The following NT5DC1 variants were observed in gnomAD, a reference collection of about 807,000 sequenced individuals.
NT5DC1 encodes 5'-nucleotidase domain-containing protein 1.
In NT5DC1, 42 loss-of-function variants were observed where a neutral mutation model predicts 59.4. The ratio of observed to expected loss-of-function variants is 0.71; its 90% CI spans 0.55 to 0.92. The LOEUF is 0.92. Among genes scored for constraint, NT5DC1 ranks in the 40% least tolerant of loss-of-function variants. NT5DC1 has a pLI of 0.00. For synonymous variants in NT5DC1, 172 were observed against 188.1 expected, an observed-to-expected ratio of 0.91 and a Z score of 0.70; for missense variants, 501 against 537.1, an observed-to-expected ratio of 0.93 and a Z score of 0.66.
intron 9 of NT5DC1, chr6:116,237,535 C>G (rs778941204): frequency 2.2e-6 from 1 of 457,146 alleles, no homozygotes; most frequent in East Asian, 6.9e-5. Flanking sequence ...GTCACCATGC[C>G]ACAGTCTCCT....
intron 6 of NT5DC1, among the ~76,000 whole-genome samples, chr6:116,118,338 A>G (rs1399892308): frequency 1.3e-5 from 2 of 152,180 alleles, no homozygotes; most frequent in African/African-American, 4.8e-5. Context: ...CTTGTTGCTT[A>G]AGGAACAAAA....
In NT5DC1 at chr6:116,100,935, C is replaced by T. The variant is rs148112050; in HGVS notation, c.5C>T (p.Ala2Val). 1.5e-3 allele frequency: 2,428 copies of T among 1,602,184 alleles called. 14 individuals are homozygous for T. The highest frequency in any genetic ancestry group is 1.0e-2 in the South Asian group (898 of 89,916). The change falls in exon 1 of 12, where the codon GCT becomes GTT. Residue 2 changes from alanine (A) to valine (V), a missense_variant. Physicochemically the swap from Ala to Val is moderately conservative, Grantham distance 64. Transcript: ENST00000319550. Reference protein sequence around the residue: MAQHFSLAACDV... With the variant: MVQHFSLAACDV... ...CCTGGTGCTCCCCGCGCAGCCATGG[C>T]TCAGCACTTCTCCCTGGCCGCCTGC...
chr6:116,176,867 C>G (rs1211567694), intron 6 of NT5DC1, among the ~76,000 whole-genome samples: 1 of 152,174 alleles, frequency 6.6e-6, no homozygotes, highest in Non-Finnish European at 1.5e-5. Context: ...GTCCTGTGAT[C>G]TTCTCACTTC....
chr6:116,173,838 A>T (rs1562150456), intron 6 of NT5DC1, among the ~76,000 whole-genome samples: 1 of 152,170 alleles, frequency 6.6e-6, no homozygotes, highest in Non-Finnish European at 1.5e-5. Context: ...ACATTGGCAC[A>T]TTCCTATTAA....
At chr6:116,228,686 G>A (rs958291725) in intron 8 of NT5DC1, among the ~76,000 whole-genome samples, 4 of 152,074 alleles carry the variant, frequency 2.6e-5, no homozygotes, top group Non-Finnish European at 5.9e-5. Context: ...AAAAGATTGC[G>A]AGAACTATTA....
intron 6 of NT5DC1, among the ~76,000 whole-genome samples, chr6:116,178,897 C>G (rs190625574): frequency 1.3e-5 from 2 of 152,118 alleles, no homozygotes; most frequent in African/African-American, 4.8e-5. Context: ...TTCTTTTACT[C>G]GATATGCATT....
At chr6:116,186,483 T>C (rs553608819) in intron 6 of NT5DC1, among the ~76,000 whole-genome samples, 1 of 152,136 alleles carries the variant, frequency 6.6e-6, no homozygotes, top group South Asian at 2.1e-4. Flanking sequence ...CCCAGACTTT[T>C]AGATTTCTCT....
intron 6 of NT5DC1, among the ~76,000 whole-genome samples, chr6:116,127,104 A>G (rs1779336936): frequency 6.6e-6 from 1 of 152,160 alleles, no homozygotes; most frequent in Admixed American, 6.5e-5. Flanking sequence ...ATGCAGGTGA[A>G]CTGGTTGAGG....
At chr6:116,153,663 T>C (rs1038181183) in intron 6 of NT5DC1, among the ~76,000 whole-genome samples, 3 of 151,472 alleles carry the variant, frequency 2.0e-5, no homozygotes, top group Non-Finnish European at 4.4e-5. Context: ...ATTGCTATTG[T>C]TGTCAAAAAC....
intron 6 of NT5DC1, among the ~76,000 whole-genome samples, chr6:116,147,739 T>C (rs1779934768): frequency 6.6e-6 from 1 of 152,204 alleles, no homozygotes; most frequent in African/African-American, 2.4e-5. Context: ...TCTCTAAGAA[T>C]TTATATTACA....
At chr6:116,207,333 T>C (rs181981371) in intron 6 of NT5DC1, among the ~76,000 whole-genome samples, 102 of 148,658 alleles carry the variant, frequency 6.9e-4, no homozygotes, top group Non-Finnish European at 1.2e-3. Context: ...ATGTTTTCTT[T>C]TTTATGGTGG....
chr6:116,150,613 G>A (rs1780015688), intron 6 of NT5DC1, among the ~76,000 whole-genome samples: 1 of 152,208 alleles, frequency 6.6e-6, no homozygotes, highest in Non-Finnish European at 1.5e-5. Flanking sequence ...ATTAGAATGG[G>A]GCAGTGGAAA....
intron 6 of NT5DC1, among the ~76,000 whole-genome samples, chr6:116,122,227 A>G (rs1779152828): frequency 6.6e-6 from 1 of 152,210 alleles, no homozygotes; most frequent in African/African-American, 2.4e-5. Flanking sequence ...AGGATTGAAG[A>G]ATTCCTCTAG....
At chr6:116,213,083 A>G (rs1204786) in intron 6 of NT5DC1, among the ~76,000 whole-genome samples, 64,719 of 152,028 alleles carry the variant, frequency 0.43, 17,761 homozygotes, top group African/African-American at 0.78. Context: ...ATTCCAAAGC[A>G]TCTTGTTTAG....
intron 10 of NT5DC1, 75 bp from the exon 11 acceptor site, chr6:116,238,880 A>G (rs1166728217): frequency 1.1e-6 from 1 of 941,728 alleles, no homozygotes; most frequent in African/African-American, 1.7e-5. Flanking sequence ...GTTTTTATTT[A>G]CTTAATAGAC....
At position 116,244,069 on chromosome 6, in the gene NT5DC1, A is replaced by T. The variant is rs757261289; in HGVS notation, c.*45A>T. On this transcript the variant is annotated 3_prime_UTR_variant, in exon 12 of 12. Transcript: ENST00000319550. ...GAAGTGAAGACCCATATATGCAGTT[A>T]AAAAAAAGTTAATTTTCAAAAAATA... 4 of 716,190 alleles carry T rather than the reference A, an allele frequency of 5.6e-6. No homozygotes were observed. The highest frequency in any genetic ancestry group is 2.8e-5 in the East Asian group (1 of 36,092). 44.4% of individuals were successfully genotyped at this position (716,190 alleles called of 1,614,324 possible).
intron 6 of NT5DC1, among the ~76,000 whole-genome samples, chr6:116,202,150 C>G (rs1781362179): frequency 6.6e-6 from 1 of 151,978 alleles, no homozygotes; most frequent in African/African-American, 2.4e-5. Flanking sequence ...TGGCCCATAC[C>G]TGCTAGAGCA....
At position 116,110,956 on chromosome 6, in the gene NT5DC1, G is replaced by A. The variant is rs760640743; in HGVS notation, c.364G>A (p.Gly122Arg). 1 of 1,599,932 alleles carries A rather than the reference G, an allele frequency of 6.3e-7. No individual in the cohort carries two copies. Among genetic ancestry groups the A allele is most frequent in the African/African-American group, 1.3e-5 (1 of 74,734 alleles). The change falls in exon 4 of 12, where the codon GGA (glycine) becomes AGA (arginine). Residue 122 changes from glycine (G) to arginine (R), a missense_variant and splice_region_variant. Transcript: ENST00000319550. ...LSDTGMACRS[G>R]KYYFYDNYFD... The stretch of plus-strand genomic sequence containing the variant: ...GGACACTGGAATGGCTTGCCGCTCA[G>A]GTATGACTCAAATGAGGCAGCTCCA...
intron 4 of NT5DC1, among the ~76,000 whole-genome samples, chr6:116,114,464 TGCC>T (rs1167300235): frequency 1.5e-5 from 2 of 131,758 alleles, no homozygotes; most frequent in Non-Finnish European, 3.1e-5. Flanking sequence ...CTGAACACTG[TGCC>T]CAGTCAACGC....
Sources: gnomAD v4.1 joint callset for allele counts (sites outside exome capture counted in the v4.1 genomes callset) on GRCh38, gnomAD v4.1.1 for gene constraint, MANE v1.5 for transcripts, NCBI Gene and HGNC (gene_info 2026-07-23, HGNC 2026-07-21) for gene names.